Variants in ZDHHC15 observed in about 807,000 individuals in gnomAD.
ZDHHC15 encodes palmitoyltransferase ZDHHC15.
In ZDHHC15, 19 loss-of-function variants were observed where a neutral mutation model predicts 31.7. The observed-to-expected ratio is 0.60, with a 90% CI of 0.42 to 0.88. The LOEUF (loss-of-function observed/expected upper bound fraction) is 0.88. ZDHHC15 is among the 40% of genes least tolerant of loss of function. The pLI is 0.00. For synonymous variants in ZDHHC15, 103 were observed against 90.0 expected, an observed-to-expected ratio of 1.14 and a Z score of -0.82; for missense variants, 209 against 251.2, an observed-to-expected ratio of 0.83 and a Z score of 1.14.
intron 2 of ZDHHC15, among the ~76,000 whole-genome samples, chrX:75,497,398 C>T (rs2085018668): frequency 9.0e-6 from 1 of 111,721 alleles, no homozygotes; most frequent in African/African-American, 3.2e-5. Flanking sequence ...TGAATTCTAT[C>T]AGACATTCGA....
intron 2 of ZDHHC15, among the ~76,000 whole-genome samples, chrX:75,488,179 A>G (rs1303471417): frequency 8.9e-6 from 1 of 111,906 alleles, no homozygotes; most frequent in Non-Finnish European, 1.9e-5. Flanking sequence ...AACACATGGG[A>G]AATTCATCGC....
chrX:75,454,786 A>T (rs921081791), intron 3 of ZDHHC15, among the ~76,000 whole-genome samples: 1 of 111,402 alleles, frequency 9.0e-6, no homozygotes, highest in Non-Finnish European at 1.9e-5. Flanking sequence ...AAAATGAAAA[A>T]ATACCTAGGA....
chrX:75,437,437 TC>T (rs2083872715), intron 4 of ZDHHC15, among the ~76,000 whole-genome samples: 1 of 46,783 alleles, frequency 2.1e-5, no homozygotes, highest in East Asian at 9.1e-4. Context: ...CCCTCCCCCC[TC>T]CCCCCACCCC....
chrX:75,476,019 G>A (rs1180590361), intron 3 of ZDHHC15, among the ~76,000 whole-genome samples: 3 of 110,906 alleles, frequency 2.7e-5, no homozygotes, highest in African/African-American at 9.8e-5. Context: ...ATTGTTCATT[G>A]TTAGTGTATC....
rs1305100556 is a variant in ZDHHC15, at chrX:75,369,703, A to G, written c.*3275T>C. On this transcript the variant is annotated 3_prime_UTR_variant, in exon 12 of 12. Coordinates refer to ENST00000373367, the MANE Select transcript of ZDHHC15 (RefSeq NM_144969.3). ...GGGCTAGTAGGGGAAAGAGGCACAT[A>G]TTGCATTCTTATCACATAGAAAGTA... 2.7e-5 allele frequency: 3 copies of G among 111,723 alleles called. No individual in the cohort carries two copies. The highest frequency in any genetic ancestry group is 9.8e-5 in the African/African-American group (3 of 30,689). The allele number at this position is 111,723 out of a possible 1,213,427, so 9.2% of individuals were successfully genotyped here. A position where few individuals can be genotyped will look rare whatever the true frequency, so the allele number is the denominator to read the frequency against.
At chrX:75,401,530 A>G (rs1411017936) in intron 10 of ZDHHC15, among the ~76,000 whole-genome samples, 1 of 112,011 alleles carries the variant, frequency 8.9e-6, no homozygotes, top group Non-Finnish European at 1.9e-5. Flanking sequence ...TAGGCTCAAA[A>G]TAAAGGGATG....
chrX:75,433,681 GTGTGTGTGTGTGTGTGTA>G (rs1421753136), intron 4 of ZDHHC15, among the ~76,000 whole-genome samples: 2,178 of 39,990 alleles, frequency 0.054, 58 homozygotes, highest in African/African-American at 0.1. Context: ...GTGTGTGTGT[GTGTGTGTGTGTGTGTGTA>G]TATATATATA....
At chrX:75,411,215 AT>A (rs58249422) in intron 10 of ZDHHC15, among the ~76,000 whole-genome samples, 2 of 103,981 alleles carry the variant, frequency 1.9e-5, no homozygotes, top group African/African-American at 6.9e-5. Context: ...TCTATTGTAC[AT>A]TTTTTTTTTT....
chrX:75,387,232 A>G (rs1168747355), intron 10 of ZDHHC15, among the ~76,000 whole-genome samples: 1 of 112,459 alleles, frequency 8.9e-6, no homozygotes, highest in African/African-American at 3.2e-5. Flanking sequence ...GAAGACTGGA[A>G]TAAATAACTA....
chrX:75,422,858 G>T (rs1020547484), intron 8 of ZDHHC15, among the ~76,000 whole-genome samples: 2 of 108,383 alleles, frequency 1.8e-5, no homozygotes, highest in Non-Finnish European at 3.8e-5. Context: ...ACAATGTGCA[G>T]GTTAGTTACA....
chrX:75,375,157 C>A (rs754803591), intron 11 of ZDHHC15, among the ~76,000 whole-genome samples: 1 of 111,461 alleles, frequency 9.0e-6, no homozygotes, highest in African/African-American at 3.3e-5. Context: ...AAGTTGCACT[C>A]AAAAAATGAT....
At chrX:75,436,800 G>C (rs749244531) in intron 4 of ZDHHC15, among the ~76,000 whole-genome samples, 44 of 112,977 alleles carry the variant, frequency 3.9e-4, no homozygotes, top group African/African-American at 1.2e-3. Context: ...TGAATAGAAT[G>C]TATATTCTGC....
intron 3 of ZDHHC15, among the ~76,000 whole-genome samples, chrX:75,459,584 A>G (rs900388787): frequency 4.9e-4 from 54 of 111,222 alleles, no homozygotes; most frequent in African/African-American, 9.8e-4. Context: ...ACCCCAATCC[A>G]TTCCTCCTCA....
intron 4 of ZDHHC15, among the ~76,000 whole-genome samples, chrX:75,443,162 C>T (rs1381139877): frequency 9.1e-6 from 1 of 110,100 alleles, no homozygotes; most frequent in Non-Finnish European, 1.9e-5. Context: ...CAAGTCAATC[C>T]TAAGCCAAAA....
rs1452720846 is a variant in ZDHHC15 at position 75,440,320 on chromosome X, C to T, written c.380-8800G>A. On this transcript the variant is annotated intron_variant, in intron 4 of 11. Coordinates refer to ENST00000373367, the MANE Select transcript of ZDHHC15 (RefSeq NM_144969.3). ...ATGGAGATGGAGTCTTGCTCTGTTG[C>T]CCAGGCTGGAGTGCAGTGGCACGAT... Among the ~76,000 whole-genome samples, 6 of 110,210 alleles carry T rather than the reference C, an allele frequency of 5.4e-5. No individual in the cohort carries two copies. The Admixed American group carries it at 5.8e-4, about 11-fold the overall frequency.
At chrX:75,415,005 C>T (rs1299360541) in intron 10 of ZDHHC15, among the ~76,000 whole-genome samples, 1 of 104,057 alleles carries the variant, frequency 9.6e-6, no homozygotes, top group African/African-American at 3.5e-5. Context: ...AACTTCTCAC[C>T]TCAGGTGATC....
chrX:75,451,389 T>C (rs1236695332), intron 3 of ZDHHC15, among the ~76,000 whole-genome samples: 2 of 112,493 alleles, frequency 1.8e-5, no homozygotes, highest in Non-Finnish European at 3.8e-5. Context: ...TGGATGAGAC[T>C]GCTTGTAACA....
chrX:75,453,941 G>C (rs1335516143), intron 3 of ZDHHC15, among the ~76,000 whole-genome samples: 6 of 111,418 alleles, frequency 5.4e-5, no homozygotes, highest in African/African-American at 2.0e-4. Context: ...CATACTGAAT[G>C]GGCAAAAACT....
intron 10 of ZDHHC15, among the ~76,000 whole-genome samples, chrX:75,385,568 A>G (rs1009855746): frequency 3.6e-5 from 4 of 111,833 alleles, no homozygotes; most frequent in African/African-American, 1.3e-4. Flanking sequence ...GAATACTGAA[A>G]TAAAGATGAT....
Sources: allele counts gnomAD v4.1 joint callset (sites outside exome capture counted in the v4.1 genomes callset), GRCh38; gene constraint gnomAD v4.1.1; transcripts MANE v1.5; gene names NCBI Gene and HGNC (gene_info 2026-07-23, HGNC 2026-07-21).